Variants in WIPF3 observed in about 807,000 individuals in gnomAD.
WIPF3 encodes the protein WAS/WASL interacting protein family member 3.
WIPF3 carries 33 observed loss-of-function variants against 38.9 expected under a neutral mutation model. That is an observed-to-expected ratio of 0.85 (90% CI 0.64 to 1.14). The LOEUF (loss-of-function observed/expected upper bound fraction) is 1.14, where lower values mean the gene tolerates loss of function less well. Among genes scored for constraint, WIPF3 ranks in the 50% most tolerant of loss-of-function variants. The pLI, the probability that WIPF3 is intolerant of heterozygous loss-of-function variation, is 0.00. For missense variants in WIPF3, 711 were observed against 652.5 expected (o/e 1.09, Z -0.98); for synonymous variants, 324 against 269.3 (o/e 1.20, Z -1.99).
chr7:29,908,908 C>CAAAAAA (rs59015755), intron 8 of WIPF3, among the ~76,000 whole-genome samples: 1 of 82,836 alleles, frequency 1.2e-5, no homozygotes, highest in African/African-American at 4.2e-5. Context: ...AACTCCATCT[C>CAAAAAA]AAAAAAAAAA....
intron 2 of WIPF3, among the ~76,000 whole-genome samples, chr7:29,842,478 C>T (rs954612535): frequency 1.3e-5 from 2 of 152,190 alleles, no homozygotes; most frequent in African/African-American, 4.8e-5. Context: ...TGTTTTCCTC[C>T]CTCGTTCCTG....
chr7:29,819,622 C>T (rs557090370), intron 1 of WIPF3, among the ~76,000 whole-genome samples: 2 of 151,968 alleles, frequency 1.3e-5, no homozygotes, highest in East Asian at 1.9e-4. Context: ...GTTTTTTATT[C>T]CTTGTTTTAT....
chr7:29,882,343 C>T (rs549229443), intron 4 of WIPF3, among the ~76,000 whole-genome samples: 1 of 152,326 alleles, frequency 6.6e-6, no homozygotes, highest in African/African-American at 2.4e-5. Flanking sequence ...TGCCTAGGTT[C>T]TCCTCGTCAT....
chr7:29,847,245 T>C (rs1785014937), intron 2 of WIPF3, among the ~76,000 whole-genome samples: 1 of 152,154 alleles, frequency 6.6e-6, no homozygotes, highest in African/African-American at 2.4e-5. Context: ...TCAAAAGTCC[T>C]TGTGGTCAAT....
intron 1 of WIPF3, among the ~76,000 whole-genome samples, chr7:29,825,772 G>T (rs1784607075): frequency 6.6e-6 from 1 of 152,174 alleles, no homozygotes; most frequent in South Asian, 2.1e-4. Flanking sequence ...GCTCATCTTA[G>T]TATGTGTACA....
intron 2 of WIPF3, among the ~76,000 whole-genome samples, chr7:29,860,673 G>A (rs373924355): frequency 8.5e-5 from 13 of 152,278 alleles, no homozygotes; most frequent in African/African-American, 1.2e-4. Flanking sequence ...TACTCCCATC[G>A]CTAAGATTGG....
chr7:29,820,877 C>T (rs190991742), intron 1 of WIPF3, among the ~76,000 whole-genome samples: 15 of 152,250 alleles, frequency 9.9e-5, no homozygotes, highest in Admixed American at 9.8e-4. Flanking sequence ...ATGCATATAT[C>T]TCCCACTTTA....
At chr7:29,901,039 T>G (rs1786264958) in intron 7 of WIPF3, among the ~76,000 whole-genome samples, 1 of 152,006 alleles carries the variant, frequency 6.6e-6, no homozygotes, top group Non-Finnish European at 1.5e-5. Flanking sequence ...TGGTTATGAA[T>G]GGGAGGGAAG....
chr7:29,903,526 A>G (rs1263973085), intron 7 of WIPF3, among the ~76,000 whole-genome samples: 2 of 151,882 alleles, frequency 1.3e-5, no homozygotes, highest in African/African-American at 2.4e-5. Flanking sequence ...TGCCTAGTTC[A>G]TGACAGAAAC....
At chr7:29,813,229 G>A (rs1273185332) in intron 1 of WIPF3, among the ~76,000 whole-genome samples, 1 of 152,050 alleles carries the variant, frequency 6.6e-6, no homozygotes, top group Non-Finnish European at 1.5e-5. Flanking sequence ...TACTCATGTG[G>A]GTCCCCAAAT....
chr7:29,865,322 T>C (rs77984333), intron 2 of WIPF3, among the ~76,000 whole-genome samples: 1,670 of 152,232 alleles, frequency 0.011, 36 homozygotes, highest in African/African-American at 0.039. Flanking sequence ...CCAGATGCTT[T>C]CTGAAATGCA....
chr7:29,875,684 G>C, intron 2 of WIPF3, 146 bp from the exon 3 acceptor site: 2 of 1,062,236 alleles, frequency 1.9e-6, no homozygotes, highest in Non-Finnish European at 2.7e-6. Context: ...GGACCCAAAA[G>C]TGTCTCTCCC....
chr7:29,850,191 C>T (rs535252134), intron 2 of WIPF3, among the ~76,000 whole-genome samples: 146 of 152,224 alleles, frequency 9.6e-4, no homozygotes, highest in Non-Finnish European at 1.8e-3. Context: ...ATGCTTGTTC[C>T]CCATAACTTC....
chr7:29,874,302 AT>A (rs1372306185), intron 2 of WIPF3, among the ~76,000 whole-genome samples: 1 of 152,090 alleles, frequency 6.6e-6, no homozygotes, highest in Non-Finnish European at 1.5e-5. Flanking sequence ...CTTCGGGGAT[AT>A]TTTTGTGAAC....
chr7:29,819,432 A>G lies in WIPF3; in HGVS notation c.-58+12754A>G, dbSNP rs558729550. Among the ~76,000 whole-genome samples, 10 of 151,892 alleles carry G rather than the reference A, an allele frequency of 6.6e-5. No individual in the cohort carries two copies. In the South Asian group the frequency reaches 2.1e-3, roughly 32 times the overall value. On this transcript the variant is annotated intron_variant, in intron 1 of 8. Coordinates refer to ENST00000242140, the MANE Select transcript of WIPF3 (RefSeq NM_001080529.3). ...CCTCCCCTCATTTGGTTAAGGTAAG[A>G]TGGTTACTTATTTTATTGTTTTTTG...
At chr7:29,898,274 C>T (rs190979682) in intron 7 of WIPF3, among the ~76,000 whole-genome samples, 13 of 152,316 alleles carry the variant, frequency 8.5e-5, no homozygotes, top group Admixed American at 3.3e-4. Context: ...ACTTCAGAGT[C>T]GTCTTTGACT....
intron 1 of WIPF3, among the ~76,000 whole-genome samples, chr7:29,815,434 C>A (rs1784441109): frequency 6.6e-6 from 1 of 152,120 alleles, no homozygotes; most frequent in South Asian, 2.1e-4. Context: ...GGGTTTATGC[C>A]TTTTGTTGTC....
At chr7:29,908,089 A>T (rs1160423102) in intron 8 of WIPF3, among the ~76,000 whole-genome samples, 2 of 152,242 alleles carry the variant, frequency 1.3e-5, no homozygotes, top group Non-Finnish European at 2.9e-5. Flanking sequence ...TAAAAATCTG[A>T]TCCAACAGTA....
chr7:29,877,426 T>C (rs1785623376), intron 3 of WIPF3, among the ~76,000 whole-genome samples: 2 of 152,350 alleles, frequency 1.3e-5, no homozygotes, highest in South Asian at 4.1e-4. Flanking sequence ...CCTGCCTTTG[T>C]TTGTTGCTGC....
Sources: allele counts gnomAD v4.1 joint callset (sites outside exome capture counted in the v4.1 genomes callset), GRCh38; gene constraint gnomAD v4.1.1; transcripts MANE v1.5; gene names NCBI Gene and HGNC (gene_info 2026-07-23, HGNC 2026-07-21).